Variants in ZNF638 observed in about 807,000 individuals in gnomAD.
ZNF638 encodes zinc finger protein 638.
In ZNF638, 46 loss-of-function variants were observed where a neutral mutation model predicts 195.6. The ratio of observed to expected loss-of-function variants is 0.24; its 90% CI spans 0.19 to 0.30. The LOEUF is 0.30. ZNF638 is among the 10% of genes least tolerant of loss of function. The pLI, the probability that ZNF638 is intolerant of heterozygous loss-of-function variation, is 1.00. For missense variants in ZNF638, 2,440 were observed against 2,325.3 expected (o/e 1.05, Z -1.01); for synonymous variants, 845 against 772.0 (o/e 1.09, Z -1.57).
rs60235642 is a variant in ZNF638, at chr2:71,427,914, A to G, written c.5545+500A>G. Reference sequence around the variant, plus strand: ...TTTCCATTAAGAAAATCTTGAGGCCAAGTATTGTGGCTCACTCCCGTAATC... The same window carrying G: ...TTTCCATTAAGAAAATCTTGAGGCCGAGTATTGTGGCTCACTCCCGTAATC... On this transcript the variant is annotated intron_variant, in intron 24 of 27. Coordinates refer to ENST00000264447, the MANE Select transcript of ZNF638 (RefSeq NM_014497.5). Among the ~76,000 whole-genome samples, 8,001 of 152,224 alleles carry G rather than the reference A, an allele frequency of 0.053. 958 individuals are homozygous for G. In the East Asian group the frequency reaches 0.55, roughly 11 times the overall value.
At chr2:71,383,063 C>G (rs1423688543) in intron 10 of ZNF638, among the ~76,000 whole-genome samples, 2 of 152,196 alleles carry the variant, frequency 1.3e-5, no homozygotes, top group Non-Finnish European at 2.9e-5. Flanking sequence ...TGGCTTATGC[C>G]TACAATCCCA....
intron 3 of ZNF638, among the ~76,000 whole-genome samples, chr2:71,362,365 A>G (rs1481054693): frequency 1.3e-5 from 2 of 152,072 alleles, no homozygotes; most frequent in African/African-American, 4.8e-5. Context: ...TTTTCCCCTA[A>G]TTCCAGATAT....
intron 1 of ZNF638, among the ~76,000 whole-genome samples, chr2:71,335,042 C>T (rs993271281): frequency 1.3e-5 from 2 of 152,074 alleles, no homozygotes; most frequent in South Asian, 2.1e-4. Flanking sequence ...ATAGCTTTAA[C>T]GTACATTATG....
intron 20 of ZNF638, among the ~76,000 whole-genome samples, chr2:71,410,910 T>G (rs546794466): frequency 1.7e-4 from 26 of 149,136 alleles, no homozygotes; most frequent in Non-Finnish European, 3.2e-4. Flanking sequence ...GTGAGTAAGG[T>G]TTTTTCTTGG....
intron 21 of ZNF638, among the ~76,000 whole-genome samples, chr2:71,419,652 A>G (rs1360309024): frequency 6.6e-6 from 1 of 152,216 alleles, no homozygotes; most frequent in African/African-American, 2.4e-5. Flanking sequence ...AAATAGTACC[A>G]CCAGCAGTGT....
chr2:71,372,374 G>C (rs1267155188), intron 8 of ZNF638, among the ~76,000 whole-genome samples: 1 of 152,220 alleles, frequency 6.6e-6, no homozygotes, highest in Admixed American at 6.5e-5. Context: ...GGCTCCTTCA[G>C]TGCATGGGTG....
chr2:71,349,943 C>T lies in ZNF638; in HGVS notation c.989C>T (p.Pro330Leu). 4 of 1,614,210 alleles carry T rather than the reference C, an allele frequency of 2.5e-6. No homozygotes were observed. The highest frequency in any genetic ancestry group is 2.5e-6 in the Non-Finnish European group (3 of 1,180,040). ...SQTMSQSLIP[P>L]SMNQQPFSSE... is the part of the protein sequence containing the mutation. ...ACAATGAGTCAATCTCTGATTCCTC[C>T]ATCTATGAACCAGCAACCTTTTTCG... Residue 330 changes from proline to leucine, a missense_variant, in exon 2 of 28, where the codon CCA becomes CTA. Physicochemically the swap from Pro to Leu is moderately conservative, Grantham distance 98 (BLOSUM62 -3). Transcript: ENST00000264447.
chr2:71,363,074 G>C (rs144709019), intron 3 of ZNF638, 79 bp from the exon 4 acceptor site: 1 of 1,007,582 alleles, frequency 9.9e-7, no homozygotes, highest in African/African-American at 1.6e-5. Flanking sequence ...AAGTCCTTTT[G>C]ATATATTACA....
chr2:71,346,983 C>T lies in ZNF638; in HGVS notation c.-202-1770C>T, dbSNP rs538141577. ...AGGTTGCAGTGAGCCGAGATTGCGC[C>T]ATTGGACTCCAGCCTGAGTGACAAA... On this transcript the variant is annotated intron_variant, in intron 1 of 27. Coordinates refer to ENST00000264447, the MANE Select transcript of ZNF638 (RefSeq NM_014497.5). Among the ~76,000 whole-genome samples, 418 of 151,746 alleles carry T rather than the reference C, an allele frequency of 2.8e-3. 3 individuals are homozygous for T. Among genetic ancestry groups the T allele is most frequent in the Non-Finnish European group, 3.3e-3 (225 of 67,972 alleles).
intron 11 of ZNF638, 30 bp from the exon 12 acceptor site, chr2:71,398,671 C>T (rs1189838543): frequency 1.9e-6 from 3 of 1,590,822 alleles, no homozygotes; most frequent in Non-Finnish European, 2.6e-6. Flanking sequence ...GTTAAGTAAA[C>T]CAGTTTTGAC....
intron 10 of ZNF638, among the ~76,000 whole-genome samples, chr2:71,389,729 C>A (rs1159188872): frequency 6.6e-6 from 1 of 152,128 alleles, no homozygotes; most frequent in Non-Finnish European, 1.5e-5. Flanking sequence ...TATAAATGTT[C>A]GACAAGGGCC....
At position 71,419,974 on chromosome 2, in the gene ZNF638, C is replaced by CTTTTT. The variant is rs58583336; in HGVS notation, c.3299+1360_3299+1364dup. The stretch of plus-strand genomic sequence containing the variant: ...CTTCTTAATTCCCACCCCCCCCCGC[C>CTTTTT]TTTTTTTTTTTTTTTTTTTTTTTTT... On this transcript the variant is annotated intron_variant, in intron 21 of 27. Coordinates refer to ENST00000264447, the MANE Select transcript of ZNF638 (RefSeq NM_014497.5). 1.2e-3 allele frequency among the ~76,000 whole-genome samples: 32 copies of CTTTTT among 27,032 alleles called. 2 individuals are homozygous for CTTTTT. The highest frequency in any genetic ancestry group is 9.0e-3 in the East Asian group (2 of 222). 17.7% of individuals were successfully genotyped at this position (27,032 alleles called of 152,430 possible). A position where few individuals can be genotyped will look rare whatever the true frequency, so the allele number is the denominator to read the frequency against.
chr2:71,381,535 A>G (rs1411167564), intron 10 of ZNF638, among the ~76,000 whole-genome samples: 1 of 152,148 alleles, frequency 6.6e-6, no homozygotes, highest in African/African-American at 2.4e-5. Context: ...TGGGGGGCAC[A>G]CAACAACAAA....
At chr2:71,427,480 A>C in intron 24 of ZNF638, 66 bp downstream of exon 24, 1 of 1,220,354 alleles carries the variant, frequency 8.2e-7, no homozygotes, top group Non-Finnish European at 1.1e-6. Context: ...TAATTTTAAA[A>C]TACATGTTGT....
chr2:71,389,670 T>C (rs1466887283), intron 10 of ZNF638, among the ~76,000 whole-genome samples: 2 of 152,260 alleles, frequency 1.3e-5, no homozygotes, highest in African/African-American at 4.8e-5. Context: ...CTATGAGGGC[T>C]TGGGACTGAA....
At chr2:71,364,577 A>T (rs2079163644) in intron 5 of ZNF638, among the ~76,000 whole-genome samples, 1 of 152,152 alleles carries the variant, frequency 6.6e-6, no homozygotes, top group Admixed American at 6.5e-5. Context: ...TGTTGATTTT[A>T]TGACCCTTTC....
At chr2:71,377,691 A>G (rs1027262729) in intron 8 of ZNF638, among the ~76,000 whole-genome samples, 3 of 152,220 alleles carry the variant, frequency 2.0e-5, no homozygotes, top group African/African-American at 7.2e-5. Flanking sequence ...GTGAAAGTTA[A>G]AAGAGTGAAA....
At chr2:71,392,490 G>A (rs913374876) in intron 10 of ZNF638, among the ~76,000 whole-genome samples, 5 of 152,050 alleles carry the variant, frequency 3.3e-5, no homozygotes, top group Admixed American at 6.6e-5. Context: ...CCTTGAGACC[G>A]CCCTCATTAA....
chr2:71,340,918 G>A (rs533074483), intron 1 of ZNF638, among the ~76,000 whole-genome samples: 1 of 152,270 alleles, frequency 6.6e-6, no homozygotes, highest in African/African-American at 2.4e-5. Flanking sequence ...AAACTTTAAA[G>A]TAGTGTAAGT....
Sources: gnomAD v4.1 joint callset for allele counts (sites outside exome capture counted in the v4.1 genomes callset) on GRCh38, gnomAD v4.1.1 for gene constraint, MANE v1.5 for transcripts, NCBI Gene and HGNC (gene_info 2026-07-23, HGNC 2026-07-21) for gene names.